The following CRTC3 variants were observed in gnomAD, a reference collection of about 807,000 sequenced individuals.
The protein encoded by CRTC3 is CREB-regulated transcription coactivator 3.
Under a neutral mutation model 74.5 loss-of-function variants are expected in CRTC3, and 26 were observed. The ratio of observed to expected loss-of-function variants is 0.35; its 90% confidence interval spans 0.26 to 0.48. The LOEUF is 0.48. Ranked by LOEUF, CRTC3 falls within the 20% of genes least tolerant of loss-of-function variation. The pLI is 0.99. For missense variants in CRTC3, 760 were observed against 787.3 expected (o/e 0.97, Z 0.41); for synonymous variants, 377 against 325.8 (o/e 1.16, Z -1.69).
intron 2 of CRTC3, among the ~76,000 whole-genome samples, chr15:90,549,766 G>C (rs1358344021): frequency 6.9e-6 from 1 of 145,858 alleles, no homozygotes; most frequent in African/African-American, 2.6e-5. Context: ...GCAGAAGCGT[G>C]ATCTCAGCTC....
At chr15:90,560,841 G>A (rs1449096696) in intron 2 of CRTC3, among the ~76,000 whole-genome samples, 6 of 152,208 alleles carry the variant, frequency 3.9e-5, no homozygotes, top group South Asian at 2.1e-4. Context: ...CATAAGAACT[G>A]TCTTGTAAGC....
intron 6 of CRTC3, among the ~76,000 whole-genome samples, chr15:90,613,189 A>G (rs976131190): frequency 0.041 from 772 of 18,920 alleles, 5 homozygotes; most frequent in African/African-American, 0.087. Flanking sequence ...TCTCGGGAAA[A>G]AAAAAAAAAA....
At chr15:90,634,597 C>T (rs770103081) in intron 11 of CRTC3, 24 of 443,126 alleles carry the variant, frequency 5.4e-5, no homozygotes, top group East Asian at 2.4e-4. Flanking sequence ...CTGACTTTCA[C>T]GGCAGATGGT....
In CRTC3 at chr15:90,629,216, G is replaced by A. The variant is rs777520278; in HGVS notation, c.968-18G>A. On this transcript the variant is annotated intron_variant, in intron 10 of 14. Transcript: ENST00000268184. Reference sequence around the variant, plus strand: ...TGGTCTGAAATTATAAGTAACTTGTGAATTTGTTGTCTTCCAGGTCTCCAG... The same window carrying A: ...TGGTCTGAAATTATAAGTAACTTGTAAATTTGTTGTCTTCCAGGTCTCCAG... The A allele has an allele frequency of 1.3e-6, 2 of 1,599,362 alleles. No homozygotes were observed. The highest frequency in any genetic ancestry group is 1.7e-6 in the Non-Finnish European group (2 of 1,170,890).
At chr15:90,634,167 AGT>A (rs1969149364) in intron 11 of CRTC3, among the ~76,000 whole-genome samples, 1 of 151,600 alleles carries the variant, frequency 6.6e-6, no homozygotes, top group Admixed American at 6.6e-5. Context: ...GCTGGAGTGC[AGT>A]GGTGTGATCT....
intron 2 of CRTC3, among the ~76,000 whole-genome samples, chr15:90,558,256 G>C (rs555008558): frequency 6.6e-6 from 1 of 152,186 alleles, no homozygotes; most frequent in African/African-American, 2.4e-5. Flanking sequence ...CTGGATTCTT[G>C]CAAGAGCCTC....
intron 1 of CRTC3, among the ~76,000 whole-genome samples, chr15:90,535,854 C>A (rs1016531526): frequency 1.3e-5 from 2 of 152,124 alleles, no homozygotes; most frequent in African/African-American, 4.8e-5. Context: ...GAATTTTCCT[C>A]ATTTTTGTGG....
chr15:90,582,310 A>G (rs900980124), intron 2 of CRTC3, among the ~76,000 whole-genome samples: 8 of 152,182 alleles, frequency 5.3e-5, no homozygotes, highest in African/African-American at 1.2e-4. Context: ...TAAAACTTCT[A>G]CTTCTGTGGA....
intron 2 of CRTC3, 45 bp from the exon 3 acceptor site, chr15:90,593,591 C>A: frequency 6.3e-7 from 1 of 1,581,218 alleles, no homozygotes; most frequent in Non-Finnish European, 8.7e-7. Flanking sequence ...GGGTGAGTGT[C>A]AATTTCATGG....
At chr15:90,576,821 C>T (rs945167928) in intron 2 of CRTC3, among the ~76,000 whole-genome samples, 2 of 151,998 alleles carry the variant, frequency 1.3e-5, no homozygotes, top group Non-Finnish European at 1.5e-5. Context: ...TGGGAAATTT[C>T]GGTGGAGCAG....
chr15:90,566,750 G>A (rs149969001), intron 2 of CRTC3, among the ~76,000 whole-genome samples: 1,638 of 140,146 alleles, frequency 0.012, 21 homozygotes, highest in Middle Eastern at 0.02. Flanking sequence ...TTGCTCTGTC[G>A]CCCAGGCTGG....
chr15:90,621,404 C>G (rs1968648491), intron 9 of CRTC3, among the ~76,000 whole-genome samples: 2 of 152,132 alleles, frequency 1.3e-5, no homozygotes, highest in South Asian at 4.1e-4. Flanking sequence ...CTCACAGCAA[C>G]CTCTGCCTCC....
chr15:90,638,461 C>G lies in CRTC3; in HGVS notation c.1282C>G (p.Arg428Gly). Reference sequence around the variant, plus strand: ...TGTTTTGCAGATGGTGTCCTCAGACCGAAGCCAACTTTCCTTTCTGCCCAC... The same window carrying G: ...TGTTTTGCAGATGGTGTCCTCAGACGGAAGCCAACTTTCCTTTCTGCCCAC... ...YPTSQMVSSD[R>G]SQLSFLPTEA... Residue 428 changes from arginine to glycine, a missense_variant, in exon 12 of 15, where the codon CGA (arginine) becomes GGA (glycine). Transcript: ENST00000268184. The G allele has an allele frequency of 6.2e-7, 1 of 1,614,012 alleles. No individual in the cohort carries two copies. The highest frequency in any genetic ancestry group is 1.7e-5 in the Admixed American group (1 of 60,020).
At chr15:90,633,331 C>T (rs941685714) in intron 11 of CRTC3, among the ~76,000 whole-genome samples, 3 of 152,168 alleles carry the variant, frequency 2.0e-5, no homozygotes, top group Non-Finnish European at 4.4e-5. Flanking sequence ...TCTAGTAGCT[C>T]TATAGCAAAG....
intron 2 of CRTC3, among the ~76,000 whole-genome samples, chr15:90,541,050 G>A (rs566446739): frequency 1.1e-3 from 170 of 152,142 alleles, no homozygotes; most frequent in Non-Finnish European, 1.5e-3. Flanking sequence ...CAGTGTCCTC[G>A]GGTGCTTTCA....
intron 11 of CRTC3, chr15:90,638,234 T>C (rs1969309379): frequency 3.7e-6 from 2 of 540,162 alleles, no homozygotes; most frequent in South Asian, 2.7e-5. Context: ...TTTAAGACAA[T>C]AGAACTTGTC....
At chr15:90,535,845 A>C (rs781367047) in intron 1 of CRTC3, among the ~76,000 whole-genome samples, 11 of 152,272 alleles carry the variant, frequency 7.2e-5, no homozygotes, top group Admixed American at 1.3e-4. Context: ...GTATATCTGG[A>C]ATTTTCCTCA....
At position 90,629,356 on chromosome 15, in the gene CRTC3, C is replaced by T. The variant is rs1968953863; in HGVS notation, c.1090C>T (p.Leu364Phe). The change falls in exon 11 of 15, where the codon CTC (leucine) becomes TTC (phenylalanine). Residue 364 changes from leucine to phenylalanine, a missense_variant. Physicochemically the swap from Leu to Phe is conservative, Grantham distance 22 (BLOSUM62 0). Transcript: ENST00000268184. The part of the protein sequence containing the change: ...VPNASALHPS[L>F]RLFSLSNPSL... ...CAACGCATCTGCTCTTCACCCTTCG[C>T]TCCGTCTGTTTTCCCTTAGCAACCC... 3.7e-6 allele frequency: 6 copies of T among 1,614,146 alleles called. No individual in the cohort carries two copies. The highest frequency in any genetic ancestry group is 5.1e-6 in the Non-Finnish European group (6 of 1,180,024).
chr15:90,644,315 G>C lies in CRTC3; in HGVS notation c.*2175G>C. 4.3e-6 allele frequency: 1 copy of C among 230,178 alleles called. No individual in the cohort carries two copies. Among genetic ancestry groups the C allele is most frequent in the East Asian group, 6.2e-5 (1 of 16,194 alleles). The allele number at this position is 230,178 out of a possible 1,614,324, so 14.3% of individuals were successfully genotyped here. A position where few individuals can be genotyped will look rare whatever the true frequency, so the allele number is the denominator to read the frequency against. ...CCTGTGTCAAAGGGCTTCCAAACCT[G>C]ATCTCACTCTCAACAGGCGATGGTG... On this transcript the variant is annotated 3_prime_UTR_variant, in exon 15 of 15. Transcript: ENST00000268184.
Sources: allele counts gnomAD v4.1 joint callset (sites outside exome capture counted in the v4.1 genomes callset), GRCh38; gene constraint gnomAD v4.1.1; transcripts MANE v1.5; gene names NCBI Gene and HGNC (gene_info 2026-07-23, HGNC 2026-07-21).